DOCK3: variants seen among roughly 807,000 people sequenced by gnomAD.
DOCK3 encodes dedicator of cytokinesis 3.
In DOCK3, 60 loss-of-function variants were observed where a neutral mutation model predicts 265.6. The observed-to-expected ratio is 0.23, with a 90% CI of 0.18 to 0.28. The LOEUF is 0.28. Among genes scored for constraint, DOCK3 ranks in the 10% least tolerant of loss-of-function variants. The probability of loss-of-function intolerance (pLI) is 1.00; values close to 1 mark genes in which losing one functional copy is unlikely to be tolerated. For synonymous variants in DOCK3, 881 were observed against 938.0 expected (o/e 0.94, Z 1.11); for missense variants, 1,981 against 2,594.3 (o/e 0.76, Z 5.14).
chr3:51,316,581 C>A (rs1463264286), intron 32 of DOCK3, among the ~76,000 whole-genome samples: 1 of 152,232 alleles, frequency 6.6e-6, no homozygotes, highest in Non-Finnish European at 1.5e-5. Context: ...GAAGTCTCAG[C>A]AGCAGTATAT....
rs755987379 is a variant in DOCK3 at position 51,374,601 on chromosome 3, C to G, written c.5412+14C>G. On this transcript the variant is annotated intron_variant, in intron 50 of 52. Transcript: ENST00000266037. The surrounding 1 kb of genome is among the most constrained non-coding windows in gnomAD (Gnocchi z 4.8). ...GAGAACGGACAGGTAATAGACCCAC[C>G]ACACTGACTGTCCTCTGCTGCAAGT... is the stretch of plus-strand genomic sequence containing the variant. 2 of 1,598,778 alleles carry G rather than the reference C, an allele frequency of 1.3e-6. No homozygotes were observed. Among genetic ancestry groups the G allele is most frequent in the Non-Finnish European group, 8.5e-7 (1 of 1,170,822 alleles).
chr3:51,267,268 C>T (rs11711643), intron 23 of DOCK3, among the ~76,000 whole-genome samples: 118,190 of 151,976 alleles, frequency 0.78, 47,031 homozygotes, highest in Middle Eastern at 0.89. Flanking sequence ...GGTGATTCCT[C>T]AAGGATCTAG....
chr3:50,843,952 C>T (rs999219384), intron 3 of DOCK3, among the ~76,000 whole-genome samples: 9 of 152,018 alleles, frequency 5.9e-5, no homozygotes, highest in African/African-American at 1.7e-4. Flanking sequence ...AAAATAAATG[C>T]GTTTCTATAT....
chr3:51,178,534 A>G (rs115158155), intron 12 of DOCK3, among the ~76,000 whole-genome samples: 13 of 152,338 alleles, frequency 8.5e-5, no homozygotes, highest in Non-Finnish European at 1.6e-4. Context: ...CAGCTTTAAC[A>G]TACCCACCTT....
chr3:50,878,793 C>T (rs1005058552), intron 3 of DOCK3, among the ~76,000 whole-genome samples: 2 of 152,124 alleles, frequency 1.3e-5, no homozygotes, highest in African/African-American at 2.4e-5. Flanking sequence ...CAAATATACT[C>T]CTCGAGAAGA....
At chr3:51,323,871 C>G (rs549079816) in intron 32 of DOCK3, among the ~76,000 whole-genome samples, 3 of 151,990 alleles carry the variant, frequency 2.0e-5, no homozygotes, top group African/African-American at 4.8e-5. Flanking sequence ...ACACAAAAAC[C>G]CTTCAAGAAA....
At chr3:50,747,877 G>A (rs1308920167) in intron 1 of DOCK3, among the ~76,000 whole-genome samples, 1 of 151,912 alleles carries the variant, frequency 6.6e-6, no homozygotes, top group Non-Finnish European at 1.5e-5. Flanking sequence ...AAAAAAAGGG[G>A]GGGGGTATTG....
At chr3:51,346,782 C>A (rs1043970759) in intron 38 of DOCK3, among the ~76,000 whole-genome samples, 1 of 151,740 alleles carries the variant, frequency 6.6e-6, no homozygotes, top group Non-Finnish European at 1.5e-5. Flanking sequence ...CTACTTCTCC[C>A]CATCCTCTCC....
intron 36 of DOCK3, 148 bp downstream of exon 36, chr3:51,338,567 C>T: frequency 3.6e-6 from 3 of 828,890 alleles, no homozygotes; most frequent in Non-Finnish European, 5.8e-6. Context: ...TCTTAGAGGC[C>T]TGCACTCCCC....
At chr3:51,108,509 C>T (rs181557970) in intron 9 of DOCK3, among the ~76,000 whole-genome samples, 74 of 152,158 alleles carry the variant, frequency 4.9e-4, no homozygotes, top group Non-Finnish European at 9.0e-4. Context: ...CAAATAAACA[C>T]GAACACAGGA....
chr3:50,873,442 G>A (rs1335823459), intron 3 of DOCK3, among the ~76,000 whole-genome samples: 1 of 152,126 alleles, frequency 6.6e-6, no homozygotes, highest in Non-Finnish European at 1.5e-5. Context: ...CTTCTTCACT[G>A]TTTCCTCTCC....
chr3:50,777,660 A>G (rs1402372682), intron 1 of DOCK3, among the ~76,000 whole-genome samples: 1 of 151,658 alleles, frequency 6.6e-6, no homozygotes, highest in Non-Finnish European at 1.5e-5. Context: ...TAGGTATTTT[A>G]TTTTTATTTT....
chr3:50,865,507 A>T (rs568179423), intron 3 of DOCK3, among the ~76,000 whole-genome samples: 1 of 152,242 alleles, frequency 6.6e-6, no homozygotes, highest in African/African-American at 2.4e-5. Flanking sequence ...ACTGAATAGT[A>T]CTCCATTGTA....
At position 51,146,599 on chromosome 3, in the gene DOCK3, A is replaced by G; in HGVS notation, c.797A>G (p.Glu266Gly). 6.3e-7 allele frequency: 1 copy of G among 1,597,738 alleles called. No individual in the cohort carries two copies. The change falls in exon 10 of 53, where the codon GAG becomes GGG. Residue 266 changes from glutamate to glycine, a missense_variant. Physicochemically the swap from Glu to Gly is moderately conservative, Grantham distance 98 (BLOSUM62 -2). Around this residue, in one of 4 missense-constraint regions of DOCK3, gnomAD observed 456 missense variants for 539.0 expected, o/e 0.85. Coordinates refer to ENST00000266037, the MANE Select transcript of DOCK3 (RefSeq NM_004947.5). ...LNKNGGPRNP[E>G]KIERMCALFT... is the part of the protein sequence containing the mutation. ...AAGAATGGTGGGCCGAGGAACCCAG[A>G]GAAGATAGAACGAATGTGTGCCCTT...
At chr3:51,241,280 G>C (rs371335582) in intron 21 of DOCK3, among the ~76,000 whole-genome samples, 2 of 152,046 alleles carry the variant, frequency 1.3e-5, no homozygotes, top group Non-Finnish European at 2.9e-5. Flanking sequence ...TGTTTCTACT[G>C]AGAGATCCAC....
At position 51,160,644 on chromosome 3, in the gene DOCK3, G is replaced by A. The variant is rs372469729; in HGVS notation, c.979G>A (p.Val327Ile). The A allele has an allele frequency of 1.9e-6, 3 of 1,613,152 alleles. No individual in the cohort carries two copies. The highest frequency in any genetic ancestry group is 2.5e-6 in the Non-Finnish European group (3 of 1,179,490). ...CTGTGCGGTCCTAAGCATCTTGGAT[G>A]TCCTACAGTCACTCACAGAAGTAAA... ...YGCAVLSILDVLQSLTEVKEE... is the reference protein window; with the variant it reads ...YGCAVLSILDILQSLTEVKEE... Residue 327 changes from valine (V) to isoleucine (I), a missense_variant, in exon 12 of 53, where the codon GTC becomes ATC. Transcript: ENST00000266037.
intron 3 of DOCK3, among the ~76,000 whole-genome samples, chr3:50,860,992 A>C (rs1463568145): frequency 6.6e-6 from 1 of 152,156 alleles, no homozygotes; most frequent in Non-Finnish European, 1.5e-5. Context: ...TGCATGCCTG[A>C]GTGGCTGCTC....
At chr3:50,750,709 G>T (rs546629661) in intron 1 of DOCK3, among the ~76,000 whole-genome samples, 7 of 152,300 alleles carry the variant, frequency 4.6e-5, no homozygotes, top group African/African-American at 1.7e-4. Flanking sequence ...AGTTGGGAAA[G>T]AAGTGGGGAT....
rs2082022283 is a variant in DOCK3, at chr3:51,075,340, T to G, written c.465-16T>G. On this transcript the variant is annotated splice_polypyrimidine_tract_variant and intron_variant, in intron 6 of 52. Coordinates refer to ENST00000266037, the MANE Select transcript of DOCK3 (RefSeq NM_004947.5). The stretch of plus-strand genomic sequence containing the variant: ...TGAGTACATGGCATACTGAGTGTGG[T>G]CTTTCTCTTTACTAGACATTTGGGC... The G allele has an allele frequency of 1.2e-6, 2 of 1,601,564 alleles. No individual in the cohort carries two copies. Among genetic ancestry groups the G allele is most frequent in the South Asian group, 2.3e-5 (2 of 88,374 alleles).
Sources: gnomAD v4.1 joint callset for allele counts (sites outside exome capture counted in the v4.1 genomes callset) on GRCh38, gnomAD v4.1.1 for gene constraint, gnomAD v4.1.1 regional missense constraint, Gnocchi (gnomAD v3.1) non-coding constraint, MANE v1.5 for transcripts, NCBI Gene and HGNC (gene_info 2026-07-23, HGNC 2026-07-21) for gene names.